Variants in COL25A1 observed in about 807,000 individuals in gnomAD.
COL25A1 encodes collagen type XXV alpha 1 chain.
COL25A1 carries 103 observed loss-of-function variants against 128.4 expected under a neutral mutation model. The observed-to-expected ratio is 0.80, with a 90% CI of 0.68 to 0.94. The LOEUF is 0.94. COL25A1 is among the 40% of genes least tolerant of loss of function. The probability of loss-of-function intolerance (pLI) is 0.00; values close to 1 mark genes in which losing one functional copy is unlikely to be tolerated. For missense variants in COL25A1, 745 were observed against 840.0 expected (o/e 0.89, Z 1.40); for synonymous variants, 279 against 277.2 (o/e 1.01, Z -0.06).
At chr4:109,092,286 G>A (rs1764983750) in intron 3 of COL25A1, among the ~76,000 whole-genome samples, 1 of 152,094 alleles carries the variant, frequency 6.6e-6, no homozygotes, top group Non-Finnish European at 1.5e-5. Context: ...GACCAGCCTG[G>A]GCAATATAGC....
chr4:109,010,453 A>C (rs1175034269), intron 5 of COL25A1, 78 bp from the exon 6 acceptor site: 3 of 957,196 alleles, frequency 3.1e-6, no homozygotes, highest in Non-Finnish European at 4.7e-6. Flanking sequence ...AACTGAAACT[A>C]GTTCTGGAAA....
At chr4:109,028,649 C>T (rs1009929448) in intron 5 of COL25A1, among the ~76,000 whole-genome samples, 1 of 151,980 alleles carries the variant, frequency 6.6e-6, no homozygotes, top group African/African-American at 2.4e-5. Flanking sequence ...TTACTTGAAC[C>T]CAGGAGGCGG....
intron 3 of COL25A1, among the ~76,000 whole-genome samples, chr4:109,229,239 A>T (rs1437458824): frequency 2.0e-5 from 3 of 152,210 alleles, no homozygotes; most frequent in Admixed American, 1.3e-4. Context: ...CCAACATGAC[A>T]AACTTATTCT....
Position 108,859,682 on chromosome 4 carries a change from T to C in COL25A1, c.1294A>G (p.Asn432Asp), listed in dbSNP as rs1297567526. Residue 432 changes from asparagine to aspartate, a missense_variant, in exon 24 of 38, where the codon AAC becomes GAC. By Grantham distance (23) the Asn-to-Asp change is conservative. Around this residue, in one of 3 missense-constraint regions of COL25A1, gnomAD observed 387 missense variants for 441.9 expected, o/e 0.88. Transcript: ENST00000399132. ...DQGATEIIDY[N>D]GNLHEALQRI... Reference sequence around the variant, plus strand: ...TGTAAGGCTTCGTGGAGGTTGCCGTTGTAGTCTATGATCTCAGTGGCTCCT... The same window carrying C: ...TGTAAGGCTTCGTGGAGGTTGCCGTCGTAGTCTATGATCTCAGTGGCTCCT... The C allele has an allele frequency of 6.2e-7, 1 of 1,613,720 alleles. No individual in the cohort carries two copies. The highest frequency in any genetic ancestry group is 1.3e-5 in the African/African-American group (1 of 74,890).
chr4:108,833,013 C>T (rs542267459), intron 31 of COL25A1, among the ~76,000 whole-genome samples: 1 of 16,272 alleles, frequency 6.1e-5, no homozygotes, highest in South Asian at 2.2e-3. Flanking sequence ...AGCATCTTCA[C>T]TTTGCCCCAT....
intron 5 of COL25A1, among the ~76,000 whole-genome samples, chr4:109,034,195 T>C (rs1023190442): frequency 1.3e-5 from 2 of 152,308 alleles, no homozygotes; most frequent in Admixed American, 1.3e-4. Context: ...AAGCTCTGCA[T>C]ACAGAAACAG....
At chr4:108,839,164 T>C (rs1734137913) in intron 31 of COL25A1, among the ~76,000 whole-genome samples, 2 of 152,160 alleles carry the variant, frequency 1.3e-5, no homozygotes, top group Admixed American at 1.3e-4. Flanking sequence ...TAAGTCAGTG[T>C]AGCGCTTGTT....
intron 3 of COL25A1, among the ~76,000 whole-genome samples, chr4:109,126,172 C>G (rs114722989): frequency 1.3e-5 from 2 of 151,902 alleles, no homozygotes; most frequent in African/African-American, 4.8e-5. Flanking sequence ...CTAATCCTCA[C>G]GGTAAAAAAG....
chr4:108,955,263 C>A (rs954020016), intron 8 of COL25A1, among the ~76,000 whole-genome samples: 18 of 151,974 alleles, frequency 1.2e-4, no homozygotes, highest in Non-Finnish European at 1.5e-5. Flanking sequence ...AGCTTCATAA[C>A]ATTATAAAGA....
At chr4:108,978,992 TTAA>T (rs1212581650) in intron 6 of COL25A1, among the ~76,000 whole-genome samples, 1 of 152,234 alleles carries the variant, frequency 6.6e-6, no homozygotes, top group Admixed American at 6.5e-5. Context: ...GTTAATTACA[TTAA>T]TAAGTACTTA....
chr4:108,816,738 T>C (rs956407361), intron 37 of COL25A1, among the ~76,000 whole-genome samples: 9 of 152,158 alleles, frequency 5.9e-5, no homozygotes, highest in African/African-American at 2.2e-4. Context: ...AATAAGACTT[T>C]ATGGAGTCAT....
intron 20 of COL25A1, among the ~76,000 whole-genome samples, chr4:108,864,456 G>GT (rs1737637266): frequency 1.3e-5 from 2 of 152,202 alleles, no homozygotes; most frequent in Admixed American, 6.5e-5. Flanking sequence ...AATGGACAAA[G>GT]TTATAGTACT....
intron 5 of COL25A1, chr4:109,021,622 G>A (rs1757774406): frequency 7.4e-6 from 3 of 408,086 alleles, no homozygotes; most frequent in South Asian, 3.7e-5. Flanking sequence ...ACAACCATAA[G>A]GTCTGACTGC....
chr4:109,110,029 G>T (rs1766851107), intron 3 of COL25A1, among the ~76,000 whole-genome samples: 1 of 152,114 alleles, frequency 6.6e-6, no homozygotes, highest in Non-Finnish European at 1.5e-5. Flanking sequence ...CACCAGGATT[G>T]TACGAATTTG....
At chr4:109,260,859 C>T (rs1398374026) in intron 3 of COL25A1, among the ~76,000 whole-genome samples, 2 of 150,834 alleles carry the variant, frequency 1.3e-5, no homozygotes, top group Non-Finnish European at 2.9e-5. Context: ...GGAAAAAAAA[C>T]AATATTATAA....
At chr4:108,885,720 G>A (rs1440676244) in intron 18 of COL25A1, among the ~76,000 whole-genome samples, 1 of 152,120 alleles carries the variant, frequency 6.6e-6, no homozygotes, top group East Asian at 1.9e-4. Flanking sequence ...CTTGAAAACA[G>A]TAAATTGCAA....
chr4:108,938,984 C>T (rs1747767756), intron 10 of COL25A1, among the ~76,000 whole-genome samples: 1 of 152,130 alleles, frequency 6.6e-6, no homozygotes, highest in South Asian at 2.1e-4. Context: ...TAGAAAGCTC[C>T]ATTTCTTACT....
At chr4:108,830,596 T>C (rs1578475375) in intron 32 of COL25A1, among the ~76,000 whole-genome samples, 1 of 152,256 alleles carries the variant, frequency 6.6e-6, no homozygotes, top group Non-Finnish European at 1.5e-5. Context: ...ATAGTTAACA[T>C]GCTGAGTAAA....
intron 20 of COL25A1, among the ~76,000 whole-genome samples, chr4:108,867,327 T>C (rs2125803890): frequency 6.6e-6 from 1 of 152,302 alleles, no homozygotes; most frequent in African/African-American, 2.4e-5. Flanking sequence ...CTGCCCTGGG[T>C]CCGAGGCTGC....
Sources: allele counts gnomAD v4.1 joint callset (sites outside exome capture counted in the v4.1 genomes callset), GRCh38; gene constraint gnomAD v4.1.1; regional missense constraint gnomAD v4.1.1; transcripts MANE v1.5; gene names NCBI Gene and HGNC (gene_info 2026-07-23, HGNC 2026-07-21).